Variants in TACC2 observed in about 807,000 individuals in gnomAD.
TACC2 encodes the protein transforming acidic coiled-coil containing protein 2, also known as transforming acidic coiled-coil-containing protein 2.
Under a neutral mutation model 227.3 loss-of-function variants are expected in TACC2, and 137 were observed. The ratio of observed to expected loss-of-function variants is 0.60; its 90% CI spans 0.52 to 0.69. The LOEUF (loss-of-function observed/expected upper bound fraction) is 0.69, where lower values mean the gene tolerates loss of function less well. TACC2 is among the 30% of genes least tolerant of loss of function. The pLI, the probability that TACC2 is intolerant of heterozygous loss-of-function variation, is 0.00. For synonymous variants in TACC2, 1,523 were observed against 1,487.5 expected, an observed-to-expected ratio of 1.02 and a Z score of -0.55; for missense variants, 3,470 against 3,694.4, an observed-to-expected ratio of 0.94 and a Z score of 1.57.
intron 3 of TACC2, among the ~76,000 whole-genome samples, chr10:122,069,156 C>A (rs979725916): frequency 6.6e-6 from 1 of 152,180 alleles, no homozygotes; most frequent in African/African-American, 2.4e-5. Context: ...TTGGGCTCCA[C>A]CTGGAACCCC....
intron 22 of TACC2, among the ~76,000 whole-genome samples, chr10:122,253,069 G>A (rs1269055558): frequency 6.6e-6 from 1 of 152,188 alleles, no homozygotes; most frequent in East Asian, 1.9e-4. Context: ...CAGAGGGCAC[G>A]TGGCTCTGGG....
chr10:122,243,034 C>T (rs534592975), intron 19 of TACC2, among the ~76,000 whole-genome samples: 6 of 152,178 alleles, frequency 3.9e-5, no homozygotes, highest in African/African-American at 1.2e-4. Context: ...ACCTCCACCC[C>T]CCAGGTTCGA....
chr10:122,216,610 T>C lies in TACC2; in HGVS notation c.7345-17T>C. 1 of 1,610,614 alleles carries C rather than the reference T, an allele frequency of 6.2e-7. No homozygotes were observed. The highest frequency in any genetic ancestry group is 8.5e-7 in the Non-Finnish European group (1 of 1,178,200). ...AGAGTCTGATGAGACAAGAAACAGT[T>C]TCTCTTCTCTTTGCAGGACCCCACC... On this transcript the variant is annotated splice_polypyrimidine_tract_variant and intron_variant, in intron 10 of 22. Coordinates refer to ENST00000369005, the MANE Select transcript of TACC2 (RefSeq NM_206862.4).
At chr10:122,253,256 C>T (rs1010320154) in intron 22 of TACC2, among the ~76,000 whole-genome samples, 4 of 152,148 alleles carry the variant, frequency 2.6e-5, no homozygotes, top group Admixed American at 6.5e-5. Flanking sequence ...GGAGATCGGT[C>T]GTGCTGTTGA....
At chr10:122,201,380 G>T (rs1593264908) in intron 8 of TACC2, among the ~76,000 whole-genome samples, 1 of 116,640 alleles carries the variant, frequency 8.6e-6, no homozygotes, top group Admixed American at 8.7e-5. Context: ...GCATTCACAT[G>T]GGGAGGACGG....
Position 122,085,060 on chromosome 10 carries a change from A to T in TACC2, c.2560A>T (p.Asn854Tyr). 1 of 1,614,174 alleles carries T rather than the reference A, an allele frequency of 6.2e-7. No homozygotes were observed. The highest frequency in any genetic ancestry group is 8.5e-7 in the Non-Finnish European group (1 of 1,180,034). The change falls in exon 4 of 23, where the codon AAT becomes TAT. Residue 854 changes from asparagine (N) to tyrosine (Y), a missense_variant. Around this residue, in one of 10 missense-constraint regions of TACC2, gnomAD observed 1,924 missense variants for 1,978.3 expected, o/e 0.97. Transcript: ENST00000369005. ...CAAGGAGCAGGCCCAGCCACCTGAA[A>T]ATGGGAAAGAGACTTCTCCAAGCCA... ...VLKEQAQPPENGKETSPSHPG... is the reference protein window; with the variant it reads ...VLKEQAQPPEYGKETSPSHPG...
chr10:122,115,885 G>A (rs960528587), intron 5 of TACC2, among the ~76,000 whole-genome samples: 2 of 152,146 alleles, frequency 1.3e-5, no homozygotes, highest in African/African-American at 4.8e-5. Flanking sequence ...GGTTTAGGAA[G>A]CTGGCAATAA....
chr10:122,247,849 A>G (rs556198507), intron 19 of TACC2: 2 of 152,326 alleles, frequency 1.3e-5, no homozygotes, highest in East Asian at 3.9e-4. Context: ...AGCATTAGTC[A>G]CACAGTATGG....
At chr10:122,077,474 T>A (rs1405027184) in intron 3 of TACC2, among the ~76,000 whole-genome samples, 3 of 151,008 alleles carry the variant, frequency 2.0e-5, no homozygotes, top group Non-Finnish European at 2.9e-5. Context: ...AAGCGAAGAG[T>A]GGAGCTGCAA....
At chr10:122,126,316 C>CTCTGTGTGTGTGTG (rs139974922) in intron 5 of TACC2, among the ~76,000 whole-genome samples, 11 of 142,132 alleles carry the variant, frequency 7.7e-5, no homozygotes, top group East Asian at 6.3e-4. Flanking sequence ...TAATCCAGAA[C>CTCTGTGTGTGTGTG]TGTGTGTGTG....
intron 3 of TACC2, among the ~76,000 whole-genome samples, chr10:122,072,954 A>G (rs2078260276): frequency 6.6e-6 from 1 of 151,606 alleles, no homozygotes; most frequent in South Asian, 2.1e-4. Flanking sequence ...TCTACTAAAA[A>G]TACAAAAAAT....
At chr10:122,252,329 A>C (rs73357689) in intron 22 of TACC2, among the ~76,000 whole-genome samples, 8,773 of 152,110 alleles carry the variant, frequency 0.058, 817 homozygotes, top group African/African-American at 0.19. Context: ...AATGAGGATA[A>C]TACTGGCTTC....
intron 3 of TACC2, among the ~76,000 whole-genome samples, chr10:122,078,312 G>T (rs972490935): frequency 6.6e-6 from 1 of 150,958 alleles, no homozygotes; most frequent in African/African-American, 2.4e-5. Flanking sequence ...GCCGACTCCT[G>T]AAAACCTGGT....
chr10:122,005,344 A>G (rs1274236543), intron 1 of TACC2, among the ~76,000 whole-genome samples: 2 of 149,842 alleles, frequency 1.3e-5, no homozygotes, highest in East Asian at 3.9e-4. Flanking sequence ...TCGGCCTCCC[A>G]AAGTGCTGGG....
intron 2 of TACC2, among the ~76,000 whole-genome samples, chr10:122,035,126 G>C (rs1959850170): frequency 6.6e-6 from 1 of 152,114 alleles, no homozygotes; most frequent in Non-Finnish European, 1.5e-5. Context: ...TCCCTGTTAG[G>C]GGAAGAGCAC....
rs183996280 is a variant in TACC2, at chr10:122,211,557, G to A, written c.7132G>A (p.Val2378Ile). The change falls in exon 9 of 23, where the codon GTT becomes ATT. Residue 2378 changes from valine (V) to isoleucine (I), a missense_variant. Physicochemically the swap from Val to Ile is conservative, Grantham distance 29. This residue lies in a region of TACC2 where 593 missense variants were observed against 636.6 expected (regional missense o/e 0.93). Coordinates refer to ENST00000369005, the MANE Select transcript of TACC2 (RefSeq NM_206862.4). ...TGACCCAGACACCTGTGATGAGTCC[G>A]TTGACCCCTTTAAGACATCCTCTAA... Reference protein sequence around the residue: ...NFDPDTCDESVDPFKTSSKTP... With the variant: ...NFDPDTCDESIDPFKTSSKTP... 1.2e-5 allele frequency: 20 copies of A among 1,613,880 alleles called. No homozygotes were observed. The highest frequency in any genetic ancestry group is 1.2e-4 in the African/African-American group (9 of 74,978).
chr10:122,189,231 C>T (rs527920696), intron 7 of TACC2, among the ~76,000 whole-genome samples: 2 of 152,046 alleles, frequency 1.3e-5, no homozygotes, highest in South Asian at 4.2e-4. Context: ...TCTCATTCAG[C>T]GGAATATTTT....
At chr10:122,112,755 A>T (rs1439010142) in intron 5 of TACC2, among the ~76,000 whole-genome samples, 5 of 152,206 alleles carry the variant, frequency 3.3e-5, no homozygotes, top group African/African-American at 1.2e-4. Flanking sequence ...CATGACTCAG[A>T]GACTCCTGGA....
At chr10:122,055,809 T>A (rs1447926712) in intron 3 of TACC2, among the ~76,000 whole-genome samples, 1 of 152,172 alleles carries the variant, frequency 6.6e-6, no homozygotes, top group South Asian at 2.1e-4. Context: ...TGAAGATGGG[T>A]CATTCTGGAC....
Sources: allele counts gnomAD v4.1 joint callset (sites outside exome capture counted in the v4.1 genomes callset), GRCh38; gene constraint gnomAD v4.1.1; regional missense constraint gnomAD v4.1.1; transcripts MANE v1.5; gene names NCBI Gene and HGNC (gene_info 2026-07-23, HGNC 2026-07-21).